Variants in FAM118A observed in about 807,000 individuals in gnomAD.
FAM118A encodes the protein protein FAM118A.
FAM118A carries 25 observed loss-of-function variants against 38.2 expected under a neutral mutation model. That is an observed-to-expected ratio of 0.65 (90% CI 0.48 to 0.91). The LOEUF (loss-of-function observed/expected upper bound fraction) is 0.91. Ranked by LOEUF, FAM118A falls within the 40% of genes least tolerant of loss-of-function variation. The probability of loss-of-function intolerance (pLI) is 0.00; values close to 1 mark genes in which losing one functional copy is unlikely to be tolerated. For synonymous variants in FAM118A, 178 were observed against 184.1 expected, an observed-to-expected ratio of 0.97 and a Z score of 0.27; for missense variants, 425 against 463.3, an observed-to-expected ratio of 0.92 and a Z score of 0.76.
In FAM118A at chr22:45,326,153, C is replaced by T. The variant is rs78013477; in HGVS notation, c.301-1689C>T. ...GAGGCTGGGAGCCGGGCAGAGGGGACCCTGTGTCCTCCTGAACCCGCCCCC... is the reference window on the plus strand; with the variant it reads ...GAGGCTGGGAGCCGGGCAGAGGGGATCCTGTGTCCTCCTGAACCCGCCCCC... On this transcript the variant is annotated intron_variant, in intron 3 of 8. Coordinates refer to ENST00000441876, the MANE Select transcript of FAM118A (RefSeq NM_017911.4). Among the ~76,000 whole-genome samples, 443 of 152,208 alleles carry T rather than the reference C, an allele frequency of 2.9e-3. 10 individuals are homozygous for T. The highest frequency in any genetic ancestry group is 0.026 in the East Asian group (134 of 5,168).
At chr22:45,328,628 C>A in intron 4 of FAM118A, 3 of 542,256 alleles carry the variant, frequency 5.5e-6, no homozygotes, top group South Asian at 2.1e-5. Context: ...AAGACCCTTT[C>A]TCTTAAAAAA....
At chr22:45,330,293 G>C (rs1217705435) in intron 4 of FAM118A, among the ~76,000 whole-genome samples, 1 of 152,228 alleles carries the variant, frequency 6.6e-6, no homozygotes, top group Non-Finnish European at 1.5e-5. Context: ...GCCTTGGCCT[G>C]AGTAGCTGGG....
At chr22:45,339,250 A>G (rs937423956) in intron 8 of FAM118A, among the ~76,000 whole-genome samples, 17 of 151,934 alleles carry the variant, frequency 1.1e-4, no homozygotes, top group Admixed American at 9.2e-4. Flanking sequence ...ACAAAAATTA[A>G]CTGGGTGTGG....
chr22:45,330,571 G>A (rs757143617), intron 4 of FAM118A, 32 bp from the exon 5 acceptor site: 9 of 1,492,790 alleles, frequency 6.0e-6, no homozygotes, highest in African/African-American at 1.4e-5. Context: ...GTTTGAGGAT[G>A]TGTTTCTTTT....
rs185928581 is a variant in FAM118A, at chr22:45,328,000, G to A, written c.459G>A (p.Leu153=). The part of the protein sequence containing the change: ...MVLTTNYDNL[L]EAFGRRQNKP... ...TGACCACCAACTATGACAACCTGCT[G>A]GAGGCCTTTGGCCGGCGGCAGAACA... Residue 153 remains leucine (L), a synonymous_variant, in exon 4 of 9, where the codon CTG becomes CTA. Coordinates refer to ENST00000441876, the MANE Select transcript of FAM118A (RefSeq NM_017911.4). 1.3e-4 allele frequency: 207 copies of A among 1,611,998 alleles called. No individual in the cohort carries two copies. The highest frequency in any genetic ancestry group is 6.8e-5 in the Non-Finnish European group (80 of 1,179,134).
chr22:45,322,273 C>T, intron 1 of FAM118A, 98 bp from the exon 2 acceptor site: 6 of 1,578,392 alleles, frequency 3.8e-6, no homozygotes, highest in Middle Eastern at 3.3e-4. Flanking sequence ...AGATTGAGGA[C>T]CTTTGATTTT....
chr22:45,326,141 G>A (rs1394812710), intron 3 of FAM118A, among the ~76,000 whole-genome samples: 1 of 152,134 alleles, frequency 6.6e-6, no homozygotes, highest in Non-Finnish European at 1.5e-5. Flanking sequence ...GCTGGGAGCC[G>A]GGCAGAGGGG....
intron 6 of FAM118A, 110 bp from the exon 7 acceptor site, chr22:45,335,240 C>T: frequency 7.7e-7 from 1 of 1,296,114 alleles, no homozygotes; most frequent in Non-Finnish European, 1.1e-6. Flanking sequence ...GCTGACCTGC[C>T]CAGAAGCCTG....
intron 2 of FAM118A, 122 bp from the exon 3 acceptor site, chr22:45,323,053 G>GTGTA: frequency 1.0e-6 from 1 of 978,166 alleles, no homozygotes. Context: ...GTGTGTGTGT[G>GTGTA]TGTGTGTGTG....
chr22:45,325,416 A>G (rs769226036), intron 3 of FAM118A, among the ~76,000 whole-genome samples: 22 of 152,008 alleles, frequency 1.4e-4, no homozygotes, highest in Non-Finnish European at 2.8e-4. Flanking sequence ...GGGGCTTGCA[A>G]GTGTATTGGG....
intron 1 of FAM118A, among the ~76,000 whole-genome samples, chr22:45,312,174 C>T (rs1180166582): frequency 2.0e-5 from 3 of 152,140 alleles, no homozygotes; most frequent in Admixed American, 1.3e-4. Flanking sequence ...TGCCACCAAG[C>T]GGGCAGTCAT....
At chr22:45,332,156 C>T (rs889298045) in intron 5 of FAM118A, among the ~76,000 whole-genome samples, 1 of 152,164 alleles carries the variant, frequency 6.6e-6, no homozygotes, top group South Asian at 2.1e-4. Flanking sequence ...CACTGCCACC[C>T]GCCTCGGCCA....
chr22:45,321,527 C>T (rs1330792307), intron 1 of FAM118A: 1 of 152,158 alleles, frequency 6.6e-6, no homozygotes, highest in African/African-American at 2.4e-5. Flanking sequence ...GGCGACCCTC[C>T]CACCTCAGCC....
intron 6 of FAM118A, among the ~76,000 whole-genome samples, chr22:45,332,949 G>A (rs929388690): frequency 1.3e-5 from 2 of 151,884 alleles, no homozygotes; most frequent in Admixed American, 6.6e-5. Context: ...CACCATGTTG[G>A]TCAGGCTGGT....
intron 8 of FAM118A, among the ~76,000 whole-genome samples, chr22:45,338,291 G>A (rs569745642): frequency 1.3e-4 from 20 of 152,054 alleles, no homozygotes; most frequent in African/African-American, 4.3e-4. Flanking sequence ...GTGCAGTGGC[G>A]CGATCTCGGC....
intron 1 of FAM118A, chr22:45,321,900 C>T: frequency 4.6e-6 from 1 of 217,924 alleles, no homozygotes; most frequent in Non-Finnish European, 9.4e-6. Flanking sequence ...GATGGCCATG[C>T]TCCAGTCCAG....
Position 45,327,967 on chromosome 22 carries a change from C to T in FAM118A, c.426C>T (p.Ala142=), listed in dbSNP as rs1296578620. 6 of 1,614,016 alleles carry T rather than the reference C, an allele frequency of 3.7e-6. No individual in the cohort carries two copies. Among genetic ancestry groups the T allele is most frequent in the Non-Finnish European group, 4.2e-6 (5 of 1,179,992 alleles). ...QSILSLMDRG[A]MVLTTNYDNL... Reference sequence around the variant, plus strand: ...TCCTCAGCCTGATGGACAGGGGCGCCATGGTCCTGACCACCAACTATGACA... The same window carrying T: ...TCCTCAGCCTGATGGACAGGGGCGCTATGGTCCTGACCACCAACTATGACA... The change falls in exon 4 of 9, where the codon GCC becomes GCT. Residue 142 remains alanine (A), a synonymous_variant. Transcript: ENST00000441876.
intron 8 of FAM118A, among the ~76,000 whole-genome samples, chr22:45,337,264 T>A (rs1242011313): frequency 6.6e-6 from 1 of 152,218 alleles, no homozygotes; most frequent in Non-Finnish European, 1.5e-5. Flanking sequence ...GTAGGTTGAT[T>A]GTAAAAGTTG....
chr22:45,328,732 G>A lies in FAM118A; in HGVS notation c.522+669G>A, dbSNP rs200427930. ...GGGAGGGAGATGGTTGCAGTGAGCT[G>A]AGATCACTGTACTCCAGCCTGGGCA... On this transcript the variant is annotated intron_variant, in intron 4 of 8. Transcript: ENST00000441876. 7.8e-6 allele frequency: 4 copies of A among 511,204 alleles called. No homozygotes were observed. In the East Asian group the frequency reaches 1.3e-4, roughly 17 times the overall value. The allele number at this position is 511,204 out of a possible 1,614,324, so 31.7% of individuals were successfully genotyped here.
Sources: gnomAD v4.1 joint callset for allele counts (sites outside exome capture counted in the v4.1 genomes callset) on GRCh38, gnomAD v4.1.1 for gene constraint, MANE v1.5 for transcripts, NCBI Gene and HGNC (gene_info 2026-07-23, HGNC 2026-07-21) for gene names.